RBM5: variants seen among roughly 807,000 people sequenced by gnomAD.
RBM5 encodes RNA binding motif protein 5.
In RBM5, 15 loss-of-function variants were observed where a neutral mutation model predicts 124.6. That is an observed-to-expected ratio of 0.12 (90% CI 0.08 to 0.19). The LOEUF is 0.19. Ranked by LOEUF, RBM5 falls within the 10% of genes least tolerant of loss-of-function variation. The pLI is 1.00. For synonymous variants in RBM5, 337 were observed against 361.2 expected (o/e 0.93, Z 0.76); for missense variants, 580 against 1,026.5 (o/e 0.57, Z 5.94).
At chr3:50,096,109 A>G (rs1258984692) in intron 4 of RBM5, among the ~76,000 whole-genome samples, 1 of 152,174 alleles carries the variant, frequency 6.6e-6, no homozygotes, top group African/African-American at 2.4e-5. Context: ...TAGATGCTAC[A>G]GTGACACAGA....
chr3:50,095,438 C>T (rs903908005), intron 4 of RBM5, among the ~76,000 whole-genome samples: 4 of 152,076 alleles, frequency 2.6e-5, no homozygotes, highest in Non-Finnish European at 5.9e-5. Flanking sequence ...TTTGAAACCT[C>T]AGAAAAGCTT....
intron 4 of RBM5, 49 bp downstream of exon 4, chr3:50,093,924 T>C: frequency 6.4e-7 from 1 of 1,555,966 alleles, no homozygotes; most frequent in Middle Eastern, 1.7e-4. Context: ...CACAATGAAC[T>C]TTGAGCTTCT....
At chr3:50,107,124 C>T (rs2091047913) in intron 11 of RBM5, 1 of 672,560 alleles carries the variant, frequency 1.5e-6, no homozygotes, top group Non-Finnish European at 2.7e-6. Flanking sequence ...ACATGCTTTG[C>T]AAACTGCAGC....
intron 7 of RBM5, among the ~76,000 whole-genome samples, chr3:50,103,414 A>C (rs1349647028): frequency 6.6e-6 from 1 of 152,184 alleles, no homozygotes; most frequent in Non-Finnish European, 1.5e-5. Flanking sequence ...TGGGAGGCCA[A>C]GGCGGGTAGA....
chr3:50,103,441 G>T (rs1421803687), intron 7 of RBM5, among the ~76,000 whole-genome samples: 1 of 152,174 alleles, frequency 6.6e-6, no homozygotes, highest in Non-Finnish European at 1.5e-5. Context: ...GAGGCCAGGG[G>T]TTAGAGACCA....
intron 4 of RBM5, among the ~76,000 whole-genome samples, chr3:50,097,268 C>T (rs972745394): frequency 6.6e-5 from 10 of 151,938 alleles, no homozygotes; most frequent in African/African-American, 1.2e-4. Flanking sequence ...TGGTGGCGGG[C>T]GCCTGTAGTC....
intron 18 of RBM5, 143 bp from the exon 19 acceptor site, chr3:50,113,807 T>A: frequency 9.5e-7 from 1 of 1,057,066 alleles, no homozygotes; most frequent in Non-Finnish European, 1.4e-6. Context: ...TGTGATAACA[T>A]CTAATGGAAA....
intron 14 of RBM5, 91 bp from the exon 15 acceptor site, chr3:50,109,512 C>A: frequency 2.0e-6 from 2 of 1,001,746 alleles, no homozygotes; most frequent in South Asian, 1.3e-5. Context: ...TATACAATGA[C>A]AGAAGAAGGC....
intron 4 of RBM5, among the ~76,000 whole-genome samples, chr3:50,098,511 C>T (rs752113802): frequency 1.3e-5 from 2 of 151,906 alleles, no homozygotes; most frequent in South Asian, 2.1e-4. Flanking sequence ...GGCGCGATCT[C>T]GGCTCACTGC....
In RBM5 at chr3:50,105,604, A is replaced by G. The variant is rs371504098; in HGVS notation, c.750A>G (p.Ala250=). 2.5e-5 allele frequency: 41 copies of G among 1,614,088 alleles called. No homozygotes were observed. Among genetic ancestry groups the G allele is most frequent in the Non-Finnish European group, 3.1e-5 (37 of 1,180,032 alleles). ...CTGTGGTGGATTCCATCATGACAGC[A>G]CTGTCTCCTTACGCGTCTTTAGCTG... ...PHTVVDSIMT[A]LSPYASLAVN... Residue 250 remains alanine (A), a synonymous_variant, in exon 10 of 25, where the codon GCA becomes GCG. Transcript: ENST00000347869.
rs962556458 is a variant in RBM5 at position 50,107,359 on chromosome 3, G to C, written c.954-123G>C. 6.5e-6 allele frequency: 5 copies of C among 768,594 alleles called. No individual in the cohort carries two copies. The African/African-American group carries it at 8.5e-5, about 13-fold the overall frequency. 47.6% of individuals were successfully genotyped at this position (768,594 alleles called of 1,614,324 possible). A position where few individuals can be genotyped will look rare whatever the true frequency, so the allele number is the denominator to read the frequency against. ...TCCCCATGAAGAGCCCTCCCCCTGT[G>C]AAATGTGGCCTTGCTGGCATTTGAG... On this transcript the variant is annotated intron_variant, in intron 11 of 24. Coordinates refer to ENST00000347869, the MANE Select transcript of RBM5 (RefSeq NM_005778.4).
Position 50,114,237 on chromosome 3 carries a change from G to A in RBM5, c.1825G>A (p.Glu609Lys). ...AGAATTGGTGCGAAATGGAGATGAG[G>A]AGAATCCCCTCAAAGTAAGGGAGTA... Reference protein sequence around the residue: ...IPELVRNGDEENPLKRGLVAA... With the variant: ...IPELVRNGDEKNPLKRGLVAA... Residue 609 changes from glutamate (E) to lysine (K), a missense_variant, in exon 20 of 25, where the codon GAG becomes AAG. Physicochemically the swap from Glu to Lys is moderately conservative, Grantham distance 56 (BLOSUM62 1). Transcript: ENST00000347869. 2 of 1,608,804 alleles carry A rather than the reference G, an allele frequency of 1.2e-6. No individual in the cohort carries two copies. Among genetic ancestry groups the A allele is most frequent in the African/African-American group, 2.7e-5 (2 of 74,652 alleles).
intron 4 of RBM5, chr3:50,099,471 G>C (rs758691868): frequency 6.6e-6 from 1 of 152,114 alleles, no homozygotes; most frequent in African/African-American, 2.4e-5. Flanking sequence ...TGGGAGGCTG[G>C]CATATCACTT....
rs1398586466 is a variant in RBM5, at chr3:50,114,382, C to T, written c.1839+131C>T. ...TGATCACTGTTGATGGGTATTGGAGCAGTTTCTGCACATAGATTCCATGTC... is the reference window on the plus strand; with the variant it reads ...TGATCACTGTTGATGGGTATTGGAGTAGTTTCTGCACATAGATTCCATGTC... On this transcript the variant is annotated intron_variant, in intron 20 of 24. Transcript: ENST00000347869. The T allele has an allele frequency of 4.8e-6, 4 of 830,534 alleles. No individual in the cohort carries two copies. The African/African-American group carries it at 5.3e-5, about 11-fold the overall frequency. The allele number at this position is 830,534 out of a possible 1,614,324, so 51.4% of individuals were successfully genotyped here. A position where few individuals can be genotyped will look rare whatever the true frequency, so the allele number is the denominator to read the frequency against.
chr3:50,106,118 A>ATTTTTTTTTTTTTTTTTTTTTTTTTT, intron 10 of RBM5, among the ~76,000 whole-genome samples: 1 of 32,758 alleles, frequency 3.1e-5, no homozygotes, highest in African/African-American at 9.5e-5. Context: ...ACGCCCAGCT[A>ATTTTTTTTTTTTTTTTTTTTTTTTTT]TTTTTTTTTT....
rs2091271388 is a variant in RBM5, at chr3:50,117,322, C to T, written c.2265C>T (p.Gly755=). The T allele has an allele frequency of 3.7e-6, 6 of 1,614,236 alleles. No homozygotes were observed. The highest frequency in any genetic ancestry group is 5.1e-6 in the Non-Finnish European group (6 of 1,180,044). ...GCAACAAGATGCTGCAGGCCATGGGCTGGCGGGAAGGCTCTGGCTTGGGAC... is the reference window on the plus strand; with the variant it reads ...GCAACAAGATGCTGCAGGCCATGGGTTGGCGGGAAGGCTCTGGCTTGGGAC... The part of the protein sequence containing the change: ...NIGNKMLQAM[G]WREGSGLGRK... Residue 755 remains glycine (G), a synonymous_variant, in exon 24 of 25, where the codon GGC becomes GGT. Transcript: ENST00000347869. The surrounding 1 kb of genome is among the most constrained non-coding windows in gnomAD (Gnocchi z 4.2).
rs2090755118 is a variant in RBM5 at position 50,093,842 on chromosome 3, G to T, written c.306G>T (p.Leu102=). The change falls in exon 4 of 25, where the codon CTG becomes CTT. Residue 102 remains leucine, a synonymous_variant. Coordinates refer to ENST00000347869, the MANE Select transcript of RBM5 (RefSeq NM_005778.4). ...AGAGGGAGAGCAAGACCATCATGCT[G>T]CGCGGCCTTCCCATCACCATCACAG... is the stretch of plus-strand genomic sequence containing the variant. The part of the protein sequence containing the change: ...SDERESKTIM[L]RGLPITITES... 1 of 1,613,092 alleles carries T rather than the reference G, an allele frequency of 6.2e-7. No homozygotes were observed. Among genetic ancestry groups the T allele is most frequent in the Admixed American group, 1.7e-5 (1 of 60,012 alleles).
intron 4 of RBM5, 132 bp from the exon 5 acceptor site, chr3:50,099,850 A>G (rs1176113588): frequency 1.0e-5 from 7 of 686,036 alleles, no homozygotes; most frequent in African/African-American, 9.2e-5. Context: ...CAATCAAGTG[A>G]GTGAGAGACA....
At chr3:50,109,049 A>G (rs1032790985) in intron 14 of RBM5, among the ~76,000 whole-genome samples, 20 of 152,128 alleles carry the variant, frequency 1.3e-4, no homozygotes, top group African/African-American at 4.6e-4. Context: ...CCCAGAGCAA[A>G]TATAGATCCT....
Sources: allele counts gnomAD v4.1 joint callset (sites outside exome capture counted in the v4.1 genomes callset), GRCh38; gene constraint gnomAD v4.1.1; non-coding constraint Gnocchi (gnomAD v3.1); transcripts MANE v1.5; gene names NCBI Gene and HGNC (gene_info 2026-07-23, HGNC 2026-07-21).